NTRK3: variants seen among roughly 807,000 people sequenced by gnomAD.
The protein encoded by NTRK3 is NT-3 growth factor receptor.
NTRK3 carries 24 observed loss-of-function variants against 91.7 expected under a neutral mutation model. That is an observed-to-expected ratio of 0.26 (90% confidence interval 0.19 to 0.37). The LOEUF is 0.37. NTRK3 is among the 10% of genes least tolerant of loss of function. The pLI, the probability that NTRK3 is intolerant of heterozygous loss-of-function variation, is 1.00. For synonymous variants in NTRK3, 483 were observed against 404.0 expected (o/e 1.20, Z -2.34); for missense variants, 880 against 1,068.9 (o/e 0.82, Z 2.46).
intron 13 of NTRK3, among the ~76,000 whole-genome samples, chr15:88,078,304 A>G (rs557172180): frequency 2.0e-5 from 3 of 152,312 alleles, no homozygotes; most frequent in South Asian, 2.1e-4. Context: ...GAAGAAGCAC[A>G]TACCTCACAT....
At chr15:87,871,302 C>G (rs2064822282) in exon 19 of NTRK3, 1 of 231,058 alleles carries the variant, frequency 4.3e-6, no homozygotes, top group Non-Finnish European at 8.6e-6. Flanking sequence ...TGTCAGAAGC[C>G]AAGATTCAGC....
chr15:87,948,870 A>G (rs1484059803), intron 14 of NTRK3, among the ~76,000 whole-genome samples: 1 of 152,172 alleles, frequency 6.6e-6, no homozygotes, highest in Admixed American at 6.5e-5. Context: ...TGGCCAGTCC[A>G]TGCCTCGTCC....
At chr15:87,967,755 G>A (rs118010567) in intron 14 of NTRK3, among the ~76,000 whole-genome samples, 4,283 of 152,276 alleles carry the variant, frequency 0.028, 75 homozygotes, top group Non-Finnish European at 0.043. Context: ...CTTATAATAG[G>A]TGAAGTCTTT....
chr15:88,150,281 C>T (rs754139552), intron 5 of NTRK3, among the ~76,000 whole-genome samples: 8 of 152,214 alleles, frequency 5.3e-5, no homozygotes, highest in Non-Finnish European at 7.3e-5. Flanking sequence ...GAACCCGAGG[C>T]AGAGAGCAGG....
intron 9 of NTRK3, 31 bp downstream of exon 9, chr15:88,135,868 A>G (rs2041828441): frequency 6.2e-7 from 1 of 1,613,080 alleles, no homozygotes; most frequent in Non-Finnish European, 8.5e-7. Flanking sequence ...CCCCTCACAC[A>G]CAGCCATCCC....
exon 19 of NTRK3, chr15:87,872,910 G>T (rs940783859): frequency 8.6e-6 from 2 of 232,932 alleles, no homozygotes; most frequent in African/African-American, 4.4e-5. Context: ...TCTCAAATGA[G>T]AAATAAGCTG....
chr15:88,039,012 G>C (rs1420787781), intron 13 of NTRK3, among the ~76,000 whole-genome samples: 4 of 152,006 alleles, frequency 2.6e-5, no homozygotes, highest in Admixed American at 1.3e-4. Flanking sequence ...AAGTAATAGG[G>C]GGAAAAATAT....
rs550288992 is a variant in NTRK3 at position 88,074,385 on chromosome 15, G to A, written c.1397-41340C>T. Among the ~76,000 whole-genome samples, 14 of 152,338 alleles carry A rather than the reference G, an allele frequency of 9.2e-5. No individual in the cohort carries two copies. The East Asian group carries it at 2.7e-3, about 29-fold the overall frequency. On this transcript the variant is annotated intron_variant, in intron 13 of 18. Transcript: ENST00000394480. The stretch of plus-strand genomic sequence containing the variant: ...CTCTTGAAATGTGGCTACTTCTTCT[G>A]AGAAGCTGGTTTTTAAGTTTTATTT...
rs367999333 is a variant in NTRK3, at chr15:87,940,603, G to T, written c.1716+20C>A. On this transcript the variant is annotated intron_variant, in intron 15 of 18. Transcript: ENST00000394480. ...CTCAGCCAGCCCTCCTCCTGGTGCCGGCATGCCTCTGGGGTTTACCTTCAC... is the reference window on the plus strand; with the variant it reads ...CTCAGCCAGCCCTCCTCCTGGTGCCTGCATGCCTCTGGGGTTTACCTTCAC... The T allele has an allele frequency of 1.2e-6, 2 of 1,613,114 alleles. No homozygotes were observed. The highest frequency in any genetic ancestry group is 1.7e-6 in the Non-Finnish European group (2 of 1,180,008).
chr15:87,898,012 A>G (rs1237527089), intron 17 of NTRK3, among the ~76,000 whole-genome samples: 2 of 152,218 alleles, frequency 1.3e-5, no homozygotes, highest in South Asian at 4.1e-4. Flanking sequence ...CATGTGCAGA[A>G]ATTAAATGAG....
At chr15:88,084,273 A>G (rs999705437) in intron 13 of NTRK3, among the ~76,000 whole-genome samples, 6 of 152,052 alleles carry the variant, frequency 3.9e-5, no homozygotes, top group Middle Eastern at 3.2e-3. Flanking sequence ...CTGCACCCCA[A>G]TGGGAGACAC....
chr15:88,033,216 A>ATATATATATATATATATATATATATATAT (rs1567262261), intron 13 of NTRK3, among the ~76,000 whole-genome samples, 171 bp from the exon 14 acceptor site: 1 of 122,012 alleles, frequency 8.2e-6, no homozygotes, highest in African/African-American at 3.2e-5. Context: ...ATATATATAT[A>ATATATATATATATATATATATATATATAT]AATTCAGTTG....
intron 14 of NTRK3, among the ~76,000 whole-genome samples, chr15:87,966,796 G>A (rs1276511909): frequency 6.6e-6 from 1 of 152,156 alleles, no homozygotes; most frequent in African/African-American, 2.4e-5. Flanking sequence ...TAGGACTTTT[G>A]GCAGCTAAAG....
At chr15:88,242,802 G>A (rs941007113) in intron 3 of NTRK3, among the ~76,000 whole-genome samples, 4 of 152,206 alleles carry the variant, frequency 2.6e-5, no homozygotes, top group Non-Finnish European at 5.9e-5. Context: ...CAAGGCAGGC[G>A]GCCAGACACC....
chr15:88,020,002 G>A (rs1303208690), intron 14 of NTRK3, among the ~76,000 whole-genome samples: 1 of 152,108 alleles, frequency 6.6e-6, no homozygotes, highest in Non-Finnish European at 1.5e-5. Context: ...AAAACAAAAG[G>A]GCTGTGCACT....
intron 14 of NTRK3, among the ~76,000 whole-genome samples, chr15:87,958,789 CCCCTCTCTTCCAT>C (rs2071938383): frequency 6.6e-6 from 1 of 151,988 alleles, no homozygotes; most frequent in African/African-American, 2.4e-5. Context: ...TCTTCTCCCA[CCCCTCTCTTCCAT>C]CCCTCACCCC....
intron 13 of NTRK3, among the ~76,000 whole-genome samples, chr15:88,046,149 A>C (rs7167737): frequency 0.3 from 45,415 of 152,036 alleles, 7,003 homozygotes; most frequent in Middle Eastern, 0.4. Context: ...GAGGAATCTC[A>C]GGCTCTGGGT....
At chr15:88,189,981 A>G (rs756705384) in intron 3 of NTRK3, among the ~76,000 whole-genome samples, 20 of 152,208 alleles carry the variant, frequency 1.3e-4, no homozygotes, top group Non-Finnish European at 2.2e-4. Context: ...AAAGACGCCC[A>G]CCACCATCTA....
Position 88,036,239 on chromosome 15 carries a change from GC to G in NTRK3, c.1397-3195del, listed in dbSNP as rs1186610601. ...ATATCAAGGCACACAATTACAAAATGCCAGAGCCCTAGAGATAAAGAGAAGA... is the reference window on the plus strand; with the variant it reads ...ATATCAAGGCACACAATTACAAAATGCAGAGCCCTAGAGATAAAGAGAAGA... On this transcript the variant is annotated intron_variant, in intron 13 of 18. Coordinates refer to ENST00000394480, the Ensembl canonical transcript of NTRK3. 2.6e-5 allele frequency among the ~76,000 whole-genome samples: 4 copies of G among 152,144 alleles called. No homozygotes were observed. The East Asian group carries it at 5.8e-4, about 22-fold the overall frequency.
Sources: allele counts gnomAD v4.1 joint callset (sites outside exome capture counted in the v4.1 genomes callset), GRCh38; gene constraint gnomAD v4.1.1; transcripts MANE v1.5; gene names NCBI Gene and HGNC (gene_info 2026-07-23, HGNC 2026-07-21).